Variants in ANKFN1 observed in about 807,000 individuals in gnomAD.
ANKFN1 encodes ankyrin repeat and fibronectin type-III domain-containing protein 1.
In ANKFN1, 74 loss-of-function variants were observed where a neutral mutation model predicts 108.7. The ratio of observed to expected loss-of-function variants is 0.68; its 90% CI spans 0.56 to 0.83. ANKFN1 has a LOEUF of 0.83. ANKFN1 is among the 40% of genes least tolerant of loss of function. ANKFN1 has a pLI of 0.00. For missense variants in ANKFN1, 1,505 were observed against 1,382.3 expected (o/e 1.09, Z -1.41); for synonymous variants, 547 against 516.2 (o/e 1.06, Z -0.81).
chr17:56,222,239 C>A (rs1443165926), intron 2 of ANKFN1, among the ~76,000 whole-genome samples: 1 of 152,162 alleles, frequency 6.6e-6, no homozygotes, highest in East Asian at 1.9e-4. Flanking sequence ...CCCCTACACC[C>A]TCAGTTGAGG....
Position 56,511,003 on chromosome 17 carries a change from G to C in ANKFN1, c.3175G>C (p.Asp1059His). The change falls in exon 21 of 21, where the codon GAT (aspartate) becomes CAT (histidine). Residue 1059 changes from aspartate (D) to histidine (H), a missense_variant. Asp to His is a moderately conservative substitution (Grantham distance 81). Transcript: ENST00000682825. ...KEAKRAGPAL[D>H]DPRGLTLAHA... ...GGCCAAGCGGGCCGGCCCTGCCCTT[G>C]ATGATCCCAGGGGCCTAACTCTGGC... 6.5e-7 allele frequency: 1 copy of C among 1,535,998 alleles called. No homozygotes were observed. Among genetic ancestry groups the C allele is most frequent in the Non-Finnish European group, 8.7e-7 (1 of 1,146,856 alleles).
chr17:56,157,062 A>T (rs1909185785), intron 1 of ANKFN1, among the ~76,000 whole-genome samples: 1 of 152,206 alleles, frequency 6.6e-6, no homozygotes, highest in African/African-American at 2.4e-5. Context: ...AGGTCTCCAA[A>T]ACAGTGGGAT....
intron 16 of ANKFN1, among the ~76,000 whole-genome samples, chr17:56,478,256 A>C (rs1334182749): frequency 6.6e-6 from 1 of 152,222 alleles, no homozygotes; most frequent in Non-Finnish European, 1.5e-5. Context: ...ACTGATGTTC[A>C]ATCGGTTAAT....
intron 11 of ANKFN1, among the ~76,000 whole-genome samples, chr17:56,450,848 C>T (rs77231233): frequency 0.01 from 1,524 of 152,290 alleles, 23 homozygotes; most frequent in African/African-American, 0.035. Context: ...ATGCTCTCCC[C>T]ATTACCACTG....
chr17:56,249,441 TA>T lies in ANKFN1; in HGVS notation c.53+21496del, dbSNP rs551355182. ...AGAGCAAGACTCTGTCTCAAAAAAA[TA>T]AAAAAAAAAAAGTCAAATTAATTTC... On this transcript the variant is annotated intron_variant, in intron 3 of 20. Transcript: ENST00000682825. Among the ~76,000 whole-genome samples the T allele has an allele frequency of 4.5e-3, 580 of 128,402 alleles. 1 individual carries two copies. The highest frequency in any genetic ancestry group is 8.0e-3 in the South Asian group (33 of 4,106). 84.2% of individuals were successfully genotyped at this position (128,402 alleles called of 152,430 possible).
chr17:56,404,157 G>A (rs539230498), intron 8 of ANKFN1, among the ~76,000 whole-genome samples: 1 of 152,166 alleles, frequency 6.6e-6, no homozygotes, highest in East Asian at 1.9e-4. Context: ...TGATCTTTTT[G>A]TGATGAATTT....
intron 7 of ANKFN1, 151 bp downstream of exon 7, chr17:56,372,991 C>A: frequency 2.6e-6 from 2 of 781,848 alleles, no homozygotes; most frequent in Non-Finnish European, 3.9e-6. Context: ...GAGAGGCTGT[C>A]AAAGGGTCTT....
rs536598658 is a variant in ANKFN1, at chr17:56,074,858, A to C, written c.288+28533A>C. Among the ~76,000 whole-genome samples the C allele has an allele frequency of 1.2e-4, 19 of 152,306 alleles. 1 individual carries two copies. The East Asian group carries it at 3.7e-3, about 29-fold the overall frequency. On this transcript the variant is annotated intron_variant, in intron 4 of 12. Coordinates refer to the ANKFN1 transcript ENST00000635860. ...AGGAGAGTCAGGAAAGGGAAGCAGC[A>C]AAGGGAGAGTCAGAGCGGAGCAGAG...
intron 14 of ANKFN1, among the ~76,000 whole-genome samples, chr17:56,459,264 C>T (rs763696954): frequency 2.0e-5 from 3 of 152,118 alleles, no homozygotes; most frequent in Non-Finnish European, 4.4e-5. Flanking sequence ...GCACCCACTA[C>T]CACACCCGGC....
intron 4 of ANKFN1, among the ~76,000 whole-genome samples, chr17:56,072,768 T>G (rs1426086375): frequency 6.6e-6 from 1 of 152,218 alleles, no homozygotes; most frequent in African/African-American, 2.4e-5. Context: ...TCGCAGTTAT[T>G]ATCATGAAAA....
rs568493485 is a variant in ANKFN1, at chr17:56,102,452, A to G, written c.288+56127A>G. On this transcript the variant is annotated intron_variant, in intron 4 of 12. Transcript: ENST00000635860. ...TTAATAAATTACATTTTACAGCAATATTACATAAATGGTTAAATGGTTAAA... is the reference window on the plus strand; with the variant it reads ...TTAATAAATTACATTTTACAGCAATGTTACATAAATGGTTAAATGGTTAAA... 1.8e-3 allele frequency among the ~76,000 whole-genome samples: 275 copies of G among 152,358 alleles called. 1 individual carries two copies. The highest frequency in any genetic ancestry group is 6.4e-3 in the African/African-American group (268 of 41,580).
rs376227184 is a variant in ANKFN1 at position 56,377,612 on chromosome 17, G to T, written c.910+2898G>T. Among the ~76,000 whole-genome samples, 10 of 152,236 alleles carry T rather than the reference G, an allele frequency of 6.6e-5. No individual in the cohort carries two copies. In the South Asian group the frequency reaches 1.7e-3, roughly 25 times the overall value. Reference sequence around the variant, plus strand: ...AACCTACAGTTATTTCAGATGCTTCGATGCTTTGGACAATTGCCAGAAGTT... The same window carrying T: ...AACCTACAGTTATTTCAGATGCTTCTATGCTTTGGACAATTGCCAGAAGTT... On this transcript the variant is annotated intron_variant, in intron 8 of 20. Transcript: ENST00000682825.
At chr17:56,054,570 A>G (rs946815261) in intron 4 of ANKFN1, among the ~76,000 whole-genome samples, 3 of 152,226 alleles carry the variant, frequency 2.0e-5, no homozygotes, top group Non-Finnish European at 4.4e-5. Flanking sequence ...TAAGTTTACA[A>G]TAGCATTATG....
chr17:56,377,092 CT>C (rs1567955797), intron 8 of ANKFN1, among the ~76,000 whole-genome samples: 4 of 152,188 alleles, frequency 2.6e-5, no homozygotes, highest in African/African-American at 9.7e-5. Flanking sequence ...AAGTTTACCC[CT>C]GCAGCATTTA....
At chr17:56,349,684 C>T (rs1436512588) in intron 4 of ANKFN1, among the ~76,000 whole-genome samples, 1 of 152,056 alleles carries the variant, frequency 6.6e-6, no homozygotes, top group Non-Finnish European at 1.5e-5. Context: ...ATGGGAATCC[C>T]AACTACACTG....
intron 1 of ANKFN1, among the ~76,000 whole-genome samples, chr17:56,193,967 T>C (rs1913254279): frequency 1.3e-5 from 2 of 152,136 alleles, no homozygotes; most frequent in African/African-American, 4.8e-5. Flanking sequence ...GAGGCAAAGA[T>C]CTTAACAGAT....
intron 1 of ANKFN1, among the ~76,000 whole-genome samples, chr17:56,196,297 G>A (rs1913500737): frequency 6.6e-6 from 1 of 152,124 alleles, no homozygotes; most frequent in Non-Finnish European, 1.5e-5. Flanking sequence ...GTGAAGTCAT[G>A]ACACCATTTA....
At chr17:56,170,775 TATATATATATA>T (rs1352978746) in intron 1 of ANKFN1, among the ~76,000 whole-genome samples, 3 of 50,290 alleles carry the variant, frequency 6.0e-5, no homozygotes, top group African/African-American at 4.3e-4. Flanking sequence ...AAAAATTTTT[TATATATATATA>T]TATATATATA....
chr17:56,456,401 C>CA (rs2049696881), intron 11 of ANKFN1, among the ~76,000 whole-genome samples: 1 of 115,500 alleles, frequency 8.7e-6, no homozygotes, highest in Non-Finnish European at 1.7e-5. Context: ...CTTTTTTTCT[C>CA]TTTTTTTTTT....
Sources: gnomAD v4.1 joint callset for allele counts (sites outside exome capture counted in the v4.1 genomes callset) on GRCh38, gnomAD v4.1.1 for gene constraint, MANE v1.5 for transcripts, NCBI Gene and HGNC (gene_info 2026-07-23, HGNC 2026-07-21) for gene names.